AGBL4: variants seen among roughly 807,000 people sequenced by gnomAD.
The protein encoded by AGBL4 is cytosolic carboxypeptidase 6.
In AGBL4, 58 loss-of-function variants were observed where a neutral mutation model predicts 66.4. The observed-to-expected ratio is 0.87, with a 90% CI of 0.71 to 1.09. AGBL4 has a LOEUF of 1.09. Ranked by LOEUF, AGBL4 falls within the 50% of genes least tolerant of loss-of-function variation. The probability of loss-of-function intolerance (pLI) is 0.00; values close to 1 mark genes in which losing one functional copy is unlikely to be tolerated. For missense variants in AGBL4, 579 were observed against 631.0 expected (o/e 0.92, Z 0.88); for synonymous variants, 234 against 222.9 (o/e 1.05, Z -0.44).
chr1:49,562,380 G>A (rs944149745), intron 3 of AGBL4, among the ~76,000 whole-genome samples: 17 of 152,082 alleles, frequency 1.1e-4, no homozygotes, highest in African/African-American at 3.9e-4. Context: ...TGAAGTCCTT[G>A]CCCATGCCTA....
At chr1:49,814,014 G>T (rs1645171863) in intron 2 of AGBL4, among the ~76,000 whole-genome samples, 4 of 152,034 alleles carry the variant, frequency 2.6e-5, no homozygotes, top group African/African-American at 9.7e-5. Flanking sequence ...ATGCTTTCTT[G>T]CCTGCTGCCA....
At chr1:49,102,404 G>T (rs1459600107) in intron 4 of AGBL4, among the ~76,000 whole-genome samples, 1 of 152,148 alleles carries the variant, frequency 6.6e-6, no homozygotes, top group Non-Finnish European at 1.5e-5. Flanking sequence ...TGAAATAAAA[G>T]TTTTGTTATT....
intron 3 of AGBL4, among the ~76,000 whole-genome samples, chr1:49,496,180 A>C (rs1008917741): frequency 6.6e-6 from 1 of 152,052 alleles, no homozygotes; most frequent in East Asian, 1.9e-4. Flanking sequence ...ACATCAAACT[A>C]AGTCAGTCCT....
chr1:49,259,091 C>G (rs973967224), intron 3 of AGBL4, among the ~76,000 whole-genome samples: 246 of 152,166 alleles, frequency 1.6e-3, no homozygotes, highest in Non-Finnish European at 2.7e-3. Flanking sequence ...AAATACCTTA[C>G]AGACAAGCAA....
intron 3 of AGBL4, among the ~76,000 whole-genome samples, chr1:49,574,229 G>A (rs1644391392): frequency 6.6e-6 from 1 of 152,138 alleles, no homozygotes; most frequent in Admixed American, 6.5e-5. Flanking sequence ...GATTTTAAGG[G>A]TATGGGATAA....
In AGBL4 at chr1:49,819,852, T is replaced by C. The variant is rs1571635481; in HGVS notation, c.157+31544A>G. ...TGCTAGTAGAAAGAGCAGAGTTCCA[T>C]TGGAAGCAGAGAAGGGAAGAAAAAC... On this transcript the variant is annotated intron_variant, in intron 2 of 13. Coordinates refer to ENST00000371839, the MANE Select transcript of AGBL4 (RefSeq NM_032785.4). Among the ~76,000 whole-genome samples, 4 of 152,076 alleles carry C rather than the reference T, an allele frequency of 2.6e-5. No individual in the cohort carries two copies. The East Asian group carries it at 5.8e-4, about 22-fold the overall frequency.
At chr1:49,704,673 T>C (rs1474498128) in intron 2 of AGBL4, among the ~76,000 whole-genome samples, 1 of 152,112 alleles carries the variant, frequency 6.6e-6, no homozygotes, top group African/African-American at 2.4e-5. Flanking sequence ...CAACACCATT[T>C]ATTAAATAGG....
At chr1:48,722,639 A>G (rs1647170354) in intron 6 of AGBL4, among the ~76,000 whole-genome samples, 1 of 152,234 alleles carries the variant, frequency 6.6e-6, no homozygotes, top group Non-Finnish European at 1.5e-5. Flanking sequence ...GTATCGTGTT[A>G]GCCAAAAAGA....
chr1:49,147,321 T>C (rs968593127), intron 4 of AGBL4, among the ~76,000 whole-genome samples: 5 of 152,148 alleles, frequency 3.3e-5, no homozygotes, highest in Non-Finnish European at 1.5e-5. Context: ...AAGTCTATGC[T>C]CTTTCTCTTC....
chr1:48,757,647 C>G (rs963466655), intron 6 of AGBL4, among the ~76,000 whole-genome samples: 3 of 152,206 alleles, frequency 2.0e-5, no homozygotes, highest in Non-Finnish European at 4.4e-5. Context: ...CAAAGATCTA[C>G]TGAGCCACTA....
At chr1:48,988,233 A>G (rs375021307) in intron 5 of AGBL4, among the ~76,000 whole-genome samples, 2 of 152,282 alleles carry the variant, frequency 1.3e-5, no homozygotes, top group South Asian at 4.1e-4. Flanking sequence ...CATGAAGTTT[A>G]GTGGATAAAT....
intron 3 of AGBL4, among the ~76,000 whole-genome samples, chr1:49,285,621 T>G (rs1644386349): frequency 6.6e-6 from 1 of 152,080 alleles, no homozygotes; most frequent in Non-Finnish European, 1.5e-5. Flanking sequence ...GATAGACCGC[T>G]AGCAAGACTA....
intron 3 of AGBL4, among the ~76,000 whole-genome samples, chr1:49,520,937 T>C (rs548180840): frequency 8.6e-5 from 13 of 151,748 alleles, no homozygotes; most frequent in Admixed American, 7.2e-4. Context: ...GCCTCCCGAG[T>C]AGCTGGGACT....
chr1:49,742,404 A>G lies in AGBL4; in HGVS notation c.158-44967T>C, dbSNP rs578247574. On this transcript the variant is annotated intron_variant, in intron 2 of 13. Coordinates refer to ENST00000371839, the MANE Select transcript of AGBL4 (RefSeq NM_032785.4). ...CCACTGCTCAACGAAATAAAAGAGA[A>G]TACAAACAAATGGAAGAACATTCCA... 1.9e-3 allele frequency among the ~76,000 whole-genome samples: 284 copies of G among 152,306 alleles called. 2 individuals carry two copies. The highest frequency in any genetic ancestry group is 6.5e-3 in the African/African-American group (269 of 41,570).
At chr1:49,408,155 C>T (rs1645243297) in intron 3 of AGBL4, among the ~76,000 whole-genome samples, 1 of 152,174 alleles carries the variant, frequency 6.6e-6, no homozygotes, top group African/African-American at 2.4e-5. Flanking sequence ...AGATTGCTTC[C>T]TGTAACTCCT....
intron 5 of AGBL4, among the ~76,000 whole-genome samples, chr1:48,875,825 T>C (rs1430256645): frequency 6.6e-6 from 1 of 152,194 alleles, no homozygotes; most frequent in Non-Finnish European, 1.5e-5. Context: ...TGCCCTTTTT[T>C]ACAAATGAAG....
chr1:48,718,638 G>A (rs1647091892), intron 6 of AGBL4, among the ~76,000 whole-genome samples: 1 of 152,094 alleles, frequency 6.6e-6, no homozygotes. Context: ...GAGGAAGAAG[G>A]AAGACTAAAA....
chr1:48,758,089 A>G (rs578069336), intron 6 of AGBL4, among the ~76,000 whole-genome samples: 2 of 152,356 alleles, frequency 1.3e-5, no homozygotes, highest in Admixed American at 1.3e-4. Context: ...TAGATCAGAA[A>G]ACCTGATTAG....
At chr1:49,143,699 AC>A (rs1646161973) in intron 4 of AGBL4, among the ~76,000 whole-genome samples, 1 of 152,074 alleles carries the variant, frequency 6.6e-6, no homozygotes, top group African/African-American at 2.4e-5. Flanking sequence ...ACAGTAACTC[AC>A]AGATCTCCTC....
Sources: allele counts gnomAD v4.1 joint callset (sites outside exome capture counted in the v4.1 genomes callset), GRCh38; gene constraint gnomAD v4.1.1; transcripts MANE v1.5; gene names NCBI Gene and HGNC (gene_info 2026-07-23, HGNC 2026-07-21).